Variants in FARP1 observed in about 807,000 individuals in gnomAD.
The protein encoded by FARP1 is FERM, ARH/RhoGEF and pleckstrin domain protein 1.
In FARP1, 52 loss-of-function variants were observed where a neutral mutation model predicts 128.8. That is an observed-to-expected ratio of 0.40 (90% CI 0.32 to 0.51). The LOEUF (loss-of-function observed/expected upper bound fraction) is 0.51, where lower values mean the gene tolerates loss of function less well. Ranked by LOEUF, FARP1 falls within the 20% of genes least tolerant of loss-of-function variation. The pLI is 0.45. For missense variants in FARP1, 1,333 were observed against 1,367.9 expected (o/e 0.97, Z 0.40); for synonymous variants, 580 against 551.8 (o/e 1.05, Z -0.72).
intron 2 of FARP1, among the ~76,000 whole-genome samples, chr13:98,260,930 A>G (rs1883849240): frequency 6.6e-6 from 1 of 152,178 alleles, no homozygotes; most frequent in South Asian, 2.1e-4. Flanking sequence ...TCAATCAGTT[A>G]AACACCGAGG....
At chr13:98,217,451 A>G (rs779688230) in intron 2 of FARP1, among the ~76,000 whole-genome samples, 100 of 152,198 alleles carry the variant, frequency 6.6e-4, no homozygotes, top group Non-Finnish European at 2.9e-4. Flanking sequence ...CTCGGCGTCT[A>G]CGACCGTCGT....
intron 2 of FARP1, among the ~76,000 whole-genome samples, chr13:98,277,148 A>ACACACACACACACACACACACACACC (rs372627844): frequency 3.1e-4 from 43 of 138,642 alleles, no homozygotes; most frequent in East Asian, 1.0e-3. Context: ...ACACACACAC[A>ACACACACACACACACACACACACACC]CCCCATATGT....
chr13:98,447,101 G>C, intron 26 of FARP1: 3 of 364,656 alleles, frequency 8.2e-6, no homozygotes, highest in South Asian at 7.1e-5. Flanking sequence ...ATGAAGCTAA[G>C]CCCCAGTGAG....
At chr13:98,362,914 C>T (rs1056837637) in intron 3 of FARP1, among the ~76,000 whole-genome samples, 17 of 152,198 alleles carry the variant, frequency 1.1e-4, no homozygotes. Context: ...CAGTGCATTC[C>T]ACTGGTTGTT....
rs151337519 is a variant in FARP1, at chr13:98,332,521, A to C, written c.172-11241A>C. 5 of 152,330 alleles carry C rather than the reference A, an allele frequency of 3.3e-5. No individual in the cohort carries two copies. The East Asian group carries it at 9.6e-4, about 29-fold the overall frequency. 9.4% of individuals were successfully genotyped at this position (152,330 alleles called of 1,614,324 possible). ...TTTTAAAAAAAGAATGAAAAGTAAA[A>C]ATGTTTGGGAAGTTTTCTGGAAACT... On this transcript the variant is annotated intron_variant, in intron 2 of 26. Transcript: ENST00000319562.
intron 2 of FARP1, among the ~76,000 whole-genome samples, chr13:98,245,556 T>G (rs139662769): frequency 1.0e-3 from 155 of 152,310 alleles, no homozygotes; most frequent in Middle Eastern, 3.4e-3. Context: ...TTTTCCTTCC[T>G]AAAGGAAGTG....
intron 2 of FARP1, among the ~76,000 whole-genome samples, chr13:98,232,087 C>A (rs933525968): frequency 1.3e-5 from 2 of 150,408 alleles, no homozygotes; most frequent in Admixed American, 6.6e-5. Flanking sequence ...ACTTTGGCCT[C>A]CCAAAGTGCT....
At chr13:98,348,239 T>G (rs541680046) in intron 3 of FARP1, among the ~76,000 whole-genome samples, 79 of 152,354 alleles carry the variant, frequency 5.2e-4, no homozygotes, top group African/African-American at 1.8e-3. Flanking sequence ...CCCTTGGCTC[T>G]TGTCCTGCTC....
chr13:98,232,637 C>T (rs571643357), intron 2 of FARP1, among the ~76,000 whole-genome samples: 7 of 152,300 alleles, frequency 4.6e-5, no homozygotes, highest in African/African-American at 1.4e-4. Flanking sequence ...CATGCTGTTG[C>T]ACACTTACTA....
At chr13:98,254,047 C>G (rs1443624060) in intron 2 of FARP1, among the ~76,000 whole-genome samples, 1 of 152,158 alleles carries the variant, frequency 6.6e-6, no homozygotes, top group Non-Finnish European at 1.5e-5. Context: ...GTGATCATTT[C>G]AGGGTTCTGA....
intron 1 of FARP1, among the ~76,000 whole-genome samples, chr13:98,207,933 C>CAG (rs1172075866): frequency 6.8e-6 from 1 of 145,994 alleles, no homozygotes; most frequent in Non-Finnish European, 1.5e-5. Flanking sequence ...CACACACACA[C>CAG]ACACACACAC....
rs375678761 is a variant in FARP1, at chr13:98,228,701, A to C, written c.171+15288A>C. 8.5e-5 allele frequency among the ~76,000 whole-genome samples: 13 copies of C among 152,152 alleles called. No homozygotes were observed. The East Asian group carries it at 1.4e-3, about 16-fold the overall frequency. On this transcript the variant is annotated intron_variant, in intron 2 of 26. Transcript: ENST00000319562. ...ATACCAGGAGTAAAAAGTTAATGGAACTTTTTTTTTCTGTTCATTGATCCA... is the reference window on the plus strand; with the variant it reads ...ATACCAGGAGTAAAAAGTTAATGGACCTTTTTTTTTCTGTTCATTGATCCA...
intron 26 of FARP1, 92 bp from the exon 27 acceptor site, chr13:98,448,144 A>C: frequency 9.0e-7 from 1 of 1,108,140 alleles, no homozygotes. Context: ...AGGCGGCCTG[A>C]CTTCACCTTG....
At chr13:98,267,322 G>C (rs1036976735) in intron 2 of FARP1, among the ~76,000 whole-genome samples, 5 of 152,182 alleles carry the variant, frequency 3.3e-5, no homozygotes, top group African/African-American at 1.2e-4. Flanking sequence ...ACCTCTGTCT[G>C]GTTATTGGCT....
At chr13:98,209,288 G>T (rs773998456) in intron 1 of FARP1, among the ~76,000 whole-genome samples, 1 of 151,724 alleles carries the variant, frequency 6.6e-6, no homozygotes, top group East Asian at 2.0e-4. Context: ...GATTACAGGC[G>T]TGAGCCACCG....
At chr13:98,191,956 A>G (rs1879255731) in intron 1 of FARP1, among the ~76,000 whole-genome samples, 2 of 152,132 alleles carry the variant, frequency 1.3e-5, no homozygotes, top group African/African-American at 4.8e-5. Context: ...TAAATTAAAT[A>G]CGTAAGTAAA....
chr13:98,419,483 T>TACACACACACAC (rs57751374), intron 16 of FARP1, among the ~76,000 whole-genome samples: 8,889 of 139,874 alleles, frequency 0.064, 449 homozygotes, highest in East Asian at 0.2. Context: ...CAAAAAAAAA[T>TACACACACACAC]ACACACACAC....
chr13:98,318,014 CAT>C (rs1886802529), intron 2 of FARP1, among the ~76,000 whole-genome samples: 1 of 149,424 alleles, frequency 6.7e-6, no homozygotes, highest in Non-Finnish European at 1.5e-5. Flanking sequence ...CCTCCCTCTT[CAT>C]CTCCTTCTTC....
chr13:98,348,918 G>A (rs7330217), intron 3 of FARP1, among the ~76,000 whole-genome samples: 16,393 of 152,200 alleles, frequency 0.11, 1,154 homozygotes, highest in African/African-American at 0.2. Context: ...AACGTGCCCA[G>A]TCCTTAACAA....
Sources: allele counts gnomAD v4.1 joint callset (sites outside exome capture counted in the v4.1 genomes callset), GRCh38; gene constraint gnomAD v4.1.1; transcripts MANE v1.5; gene names NCBI Gene and HGNC (gene_info 2026-07-23, HGNC 2026-07-21).